GRM8: variants seen among roughly 807,000 people sequenced by gnomAD.
GRM8 encodes the protein glutamate metabotropic receptor 8.
GRM8 carries 47 observed loss-of-function variants against 87.2 expected under a neutral mutation model. The ratio of observed to expected loss-of-function variants is 0.54; its 90% CI spans 0.43 to 0.69. GRM8 has a LOEUF of 0.69. Ranked by LOEUF, GRM8 falls within the 30% of genes least tolerant of loss-of-function variation. The pLI, the probability that GRM8 is intolerant of heterozygous loss-of-function variation, is 0.00. For synonymous variants in GRM8, 396 were observed against 404.5 expected, an observed-to-expected ratio of 0.98 and a Z score of 0.25; for missense variants, 1,019 against 1,139.2, an observed-to-expected ratio of 0.89 and a Z score of 1.52.
intron 2 of GRM8, among the ~76,000 whole-genome samples, chr7:127,154,344 T>C (rs1302566088): frequency 6.6e-6 from 1 of 152,138 alleles, no homozygotes; most frequent in Non-Finnish European, 1.5e-5. Context: ...TATTCCAAAG[T>C]ACTTCCTGGC....
rs79598689 is a variant in GRM8, at chr7:127,038,465, A to G, written c.727+68031T>C. On this transcript the variant is annotated intron_variant, in intron 3 of 10. Coordinates refer to ENST00000339582, the MANE Select transcript of GRM8 (RefSeq NM_000845.3). ...AGGACATTCCAGTCCAGGCAGAAAA[A>G]TTGTTTTCTCTGACACACAAGATAT... Among the ~76,000 whole-genome samples, 4 of 148,376 alleles carry G rather than the reference A, an allele frequency of 2.7e-5. No individual in the cohort carries two copies. The East Asian group carries it at 7.8e-4, about 29-fold the overall frequency.
At chr7:126,739,526 C>G (rs540221271) in intron 7 of GRM8, among the ~76,000 whole-genome samples, 1 of 152,036 alleles carries the variant, frequency 6.6e-6, no homozygotes, top group Non-Finnish European at 1.5e-5. Context: ...CACGGTGTTA[C>G]GTTTAGTTAC....
intron 6 of GRM8, among the ~76,000 whole-genome samples, chr7:126,867,358 A>G (rs563415384): frequency 1.3e-5 from 2 of 152,308 alleles, no homozygotes; most frequent in African/African-American, 4.8e-5. Flanking sequence ...CGCTGTTGTG[A>G]TTTACAAGAA....
At chr7:126,892,911 G>A (rs1165584661) in intron 6 of GRM8, among the ~76,000 whole-genome samples, 1 of 151,910 alleles carries the variant, frequency 6.6e-6, no homozygotes, top group African/African-American at 2.4e-5. Flanking sequence ...TTTTTCATGT[G>A]TTTTTTGGCT....
In GRM8 at chr7:126,915,852, G is replaced by A. The variant is rs915632531; in HGVS notation, c.728-11169C>T. ...TCTCTGTAGGGTCAAAAAAGCAAGT[G>A]CAGGATGAGGAACAATTGGAGAAGG... is the stretch of plus-strand genomic sequence containing the variant. On this transcript the variant is annotated intron_variant, in intron 3 of 10. Transcript: ENST00000339582. Among the ~76,000 whole-genome samples the A allele has an allele frequency of 6.6e-4, 100 of 152,280 alleles. 1 individual carries two copies. Among genetic ancestry groups the A allele is most frequent in the African/African-American group, 2.3e-3 (97 of 41,564 alleles).
At chr7:127,136,723 C>T (rs1827962671) in intron 2 of GRM8, among the ~76,000 whole-genome samples, 1 of 151,816 alleles carries the variant, frequency 6.6e-6, no homozygotes, top group African/African-American at 2.4e-5. Flanking sequence ...GACGTCTCTA[C>T]AAAGAGTAAA....
At chr7:126,542,845 A>G (rs1357304724) in intron 8 of GRM8, among the ~76,000 whole-genome samples, 1 of 152,228 alleles carries the variant, frequency 6.6e-6, no homozygotes, top group Non-Finnish European at 1.5e-5. Context: ...TATGAATTAG[A>G]GAAATATTGC....
chr7:126,857,754 T>G (rs980667092), intron 6 of GRM8, among the ~76,000 whole-genome samples: 1 of 152,184 alleles, frequency 6.6e-6, no homozygotes, highest in African/African-American at 2.4e-5. Context: ...TTCTATTATA[T>G]TACTGGATGT....
intron 3 of GRM8, among the ~76,000 whole-genome samples, chr7:127,025,371 A>C (rs1029910711): frequency 6.6e-6 from 1 of 152,058 alleles, no homozygotes; most frequent in African/African-American, 2.4e-5. Flanking sequence ...CCCAGGAGAA[A>C]AGCTGCATGA....
chr7:127,098,002 C>A (rs1033453697), intron 3 of GRM8, among the ~76,000 whole-genome samples: 1 of 152,194 alleles, frequency 6.6e-6, no homozygotes. Context: ...TGAAATGACA[C>A]TATATTTGAT....
At chr7:126,553,467 T>C (rs1048934922) in intron 8 of GRM8, among the ~76,000 whole-genome samples, 2 of 152,204 alleles carry the variant, frequency 1.3e-5, no homozygotes, top group Non-Finnish European at 2.9e-5. Flanking sequence ...CTTTGTGACC[T>C]TGTCTTCTCC....
intron 3 of GRM8, among the ~76,000 whole-genome samples, chr7:126,947,440 G>A (rs1807661832): frequency 6.6e-6 from 1 of 152,064 alleles, no homozygotes; most frequent in South Asian, 2.1e-4. Context: ...AGACTCCAGA[G>A]GCTGCATTCT....
Position 127,106,604 on chromosome 7 carries a change from C to T in GRM8, c.619G>A (p.Val207Met). The change falls in exon 3 of 11, where the codon GTG becomes ATG. Residue 207 changes from valine (V) to methionine (M), a missense_variant. Coordinates refer to ENST00000339582, the MANE Select transcript of GRM8 (RefSeq NM_000845.3). Reference protein sequence around the residue: ...PPDSYQAQAMVDIVTALGWNY... With the variant: ...PPDSYQAQAMMDIVTALGWNY... ...CATCCCAGTGCTGTCACGATGTCCA[C>T]CATGGCTTGGGCTTGGTAGGAGTCA... 1 of 1,614,080 alleles carries T rather than the reference C, an allele frequency of 6.2e-7. No individual in the cohort carries two copies. Among genetic ancestry groups the T allele is most frequent in the Non-Finnish European group, 8.5e-7 (1 of 1,179,946 alleles).
At chr7:126,727,282 T>TA (rs1285169661) in intron 7 of GRM8, among the ~76,000 whole-genome samples, 2 of 151,984 alleles carry the variant, frequency 1.3e-5, no homozygotes, top group African/African-American at 4.8e-5. Context: ...ACATACTTTT[T>TA]AAAAAATGCT....
chr7:126,620,492 T>C (rs1222502133), intron 7 of GRM8, among the ~76,000 whole-genome samples: 2 of 152,116 alleles, frequency 1.3e-5, no homozygotes, highest in African/African-American at 4.8e-5. Flanking sequence ...GTAGGGAAAA[T>C]GATATATTCA....
At chr7:127,023,386 T>A (rs556633983) in intron 3 of GRM8, among the ~76,000 whole-genome samples, 1 of 152,190 alleles carries the variant, frequency 6.6e-6, no homozygotes, top group Admixed American at 6.6e-5. Flanking sequence ...AAACCTATTT[T>A]TAAGTCTTTG....
chr7:126,884,882 A>G (rs1397986717), intron 6 of GRM8, among the ~76,000 whole-genome samples: 1 of 152,232 alleles, frequency 6.6e-6, no homozygotes, highest in Non-Finnish European at 1.5e-5. Flanking sequence ...CACTATGGGC[A>G]TACAGTAGGG....
At chr7:127,055,070 A>G (rs1326239970) in intron 3 of GRM8, among the ~76,000 whole-genome samples, 1 of 152,150 alleles carries the variant, frequency 6.6e-6, no homozygotes, top group Non-Finnish European at 1.5e-5. Context: ...ATTTTCTCAG[A>G]GAGGTGAGAT....
At chr7:127,107,717 T>A (rs1395425609) in intron 2 of GRM8, among the ~76,000 whole-genome samples, 1 of 152,172 alleles carries the variant, frequency 6.6e-6, no homozygotes, top group Non-Finnish European at 1.5e-5. Flanking sequence ...GATCCAATAG[T>A]CCCCACTACA....
Sources: allele counts gnomAD v4.1 joint callset (sites outside exome capture counted in the v4.1 genomes callset), GRCh38; gene constraint gnomAD v4.1.1; transcripts MANE v1.5; gene names NCBI Gene and HGNC (gene_info 2026-07-23, HGNC 2026-07-21).